HS3ST3A1: variants seen among roughly 807,000 people sequenced by gnomAD.
The protein encoded by HS3ST3A1 is heparan sulfate-glucosamine 3-sulfotransferase 3A1.
A neutral mutation model predicts 25.7 loss-of-function variants in HS3ST3A1; 19 were observed. The observed-to-expected ratio is 0.74, with a 90% confidence interval of 0.52 to 1.08. The LOEUF is 1.08. Ranked by LOEUF, HS3ST3A1 falls within the 50% of genes least tolerant of loss-of-function variation. HS3ST3A1 has a pLI of 0.00. For synonymous variants in HS3ST3A1, 226 were observed against 278.6 expected (o/e 0.81, Z 1.88); for missense variants, 459 against 594.3 (o/e 0.77, Z 2.37).
At chr17:13,513,213 G>C (rs757550027) in intron 1 of HS3ST3A1, among the ~76,000 whole-genome samples, 76 of 152,172 alleles carry the variant, frequency 5.0e-4, no homozygotes, top group Non-Finnish European at 9.6e-4. Flanking sequence ...AAACTTTCCA[G>C]ATGAGGCACT....
chr17:13,568,016 T>C (rs190279234), intron 1 of HS3ST3A1, among the ~76,000 whole-genome samples: 1 of 152,198 alleles, frequency 6.6e-6, no homozygotes, highest in African/African-American at 2.4e-5. Context: ...AGAGAAATCT[T>C]TCATGAAAGG....
chr17:13,510,298 TC>T (rs1905817270), intron 1 of HS3ST3A1, among the ~76,000 whole-genome samples: 2 of 152,216 alleles, frequency 1.3e-5, no homozygotes, highest in Non-Finnish European at 2.9e-5. Context: ...CAGAGAGCTC[TC>T]ATCAGCCAGG....
At chr17:13,540,322 G>T (rs1248101241) in intron 1 of HS3ST3A1, among the ~76,000 whole-genome samples, 1 of 152,088 alleles carries the variant, frequency 6.6e-6, no homozygotes, top group African/African-American at 2.4e-5. Flanking sequence ...AAACATTAAA[G>T]GTGCATTAAA....
chr17:13,534,978 A>T (rs1322063077), intron 1 of HS3ST3A1, among the ~76,000 whole-genome samples: 1 of 152,168 alleles, frequency 6.6e-6, no homozygotes, highest in Non-Finnish European at 1.5e-5. Flanking sequence ...GTGAGCCGAG[A>T]TTGTGCCATT....
chr17:13,527,435 A>G (rs1167141339), intron 1 of HS3ST3A1, among the ~76,000 whole-genome samples: 1 of 151,910 alleles, frequency 6.6e-6, no homozygotes, highest in Non-Finnish European at 1.5e-5. Flanking sequence ...TTGGGGAGGG[A>G]GTTAAGTAAT....
intron 1 of HS3ST3A1, among the ~76,000 whole-genome samples, chr17:13,508,075 C>G (rs962847790): frequency 3.9e-5 from 6 of 152,200 alleles, no homozygotes; most frequent in Non-Finnish European, 7.3e-5. Flanking sequence ...CCCACACCAA[C>G]CGAATCTGGA....
chr17:13,574,462 T>C (rs1343882414), intron 1 of HS3ST3A1, among the ~76,000 whole-genome samples: 1 of 150,888 alleles, frequency 6.6e-6, no homozygotes, highest in Non-Finnish European at 1.5e-5. Context: ...CTCACACCTG[T>C]AATCCCAGCA....
At chr17:13,523,424 A>AG (rs935139419) in intron 1 of HS3ST3A1, among the ~76,000 whole-genome samples, 1 of 152,232 alleles carries the variant, frequency 6.6e-6, no homozygotes, top group African/African-American at 2.4e-5. Flanking sequence ...GACAGAGGGC[A>AG]GTGTCATATG....
intron 1 of HS3ST3A1, among the ~76,000 whole-genome samples, chr17:13,512,425 A>G (rs1195620297): frequency 6.6e-6 from 1 of 152,092 alleles, no homozygotes; most frequent in Non-Finnish European, 1.5e-5. Flanking sequence ...TGTGGGGAAT[A>G]GGAGTGAGTG....
At chr17:13,501,688 G>A (rs1017621652) in intron 1 of HS3ST3A1, among the ~76,000 whole-genome samples, 1 of 152,078 alleles carries the variant, frequency 6.6e-6, no homozygotes, top group Non-Finnish European at 1.5e-5. Flanking sequence ...CAAAATTCCT[G>A]GACTGTAATG....
At chr17:13,574,413 G>A (rs1007358322) in intron 1 of HS3ST3A1, among the ~76,000 whole-genome samples, 8 of 150,820 alleles carry the variant, frequency 5.3e-5, no homozygotes, top group Admixed American at 2.6e-4. Context: ...CACTGCGCCC[G>A]GCCCTATCAC....
chr17:13,526,944 C>T (rs748559242), intron 1 of HS3ST3A1, among the ~76,000 whole-genome samples: 4 of 152,144 alleles, frequency 2.6e-5, no homozygotes, highest in Non-Finnish European at 5.9e-5. Flanking sequence ...TGAGCCACCG[C>T]ACCCGGCCCA....
At chr17:13,530,801 A>AT (rs980461887) in intron 1 of HS3ST3A1, among the ~76,000 whole-genome samples, 2 of 152,014 alleles carry the variant, frequency 1.3e-5, no homozygotes, top group Non-Finnish European at 2.9e-5. Flanking sequence ...GTGGCTTTTC[A>AT]TTTTTTCAGT....
At chr17:13,525,085 A>G (rs1196477934) in intron 1 of HS3ST3A1, among the ~76,000 whole-genome samples, 1 of 151,906 alleles carries the variant, frequency 6.6e-6, no homozygotes, top group South Asian at 2.1e-4. Flanking sequence ...TGTATGTATG[A>G]GTGTGTCTGC....
chr17:13,597,940 C>T (rs904065535), intron 1 of HS3ST3A1, among the ~76,000 whole-genome samples: 2 of 152,176 alleles, frequency 1.3e-5, no homozygotes, highest in Non-Finnish European at 2.9e-5. Flanking sequence ...GGCACTGCCA[C>T]CACAAACTAT....
intron 1 of HS3ST3A1, among the ~76,000 whole-genome samples, chr17:13,502,228 G>A (rs1360554865): frequency 6.6e-6 from 1 of 152,104 alleles, no homozygotes; most frequent in African/African-American, 2.4e-5. Flanking sequence ...GTTGTCCTCT[G>A]TTTTCTACCC....
At chr17:13,500,350 A>G (rs915404878) in intron 1 of HS3ST3A1, among the ~76,000 whole-genome samples, 1 of 152,230 alleles carries the variant, frequency 6.6e-6, no homozygotes, top group Non-Finnish European at 1.5e-5. Context: ...GGCAAAACCT[A>G]CAATTACTTT....
chr17:13,517,336 G>A (rs1156884426), intron 1 of HS3ST3A1, among the ~76,000 whole-genome samples: 1 of 152,138 alleles, frequency 6.6e-6, no homozygotes, highest in Admixed American at 6.5e-5. Context: ...TTGGCTACAT[G>A]AATAAAAAGG....
At chr17:13,567,174 C>G (rs564794867) in intron 1 of HS3ST3A1, among the ~76,000 whole-genome samples, 4 of 152,286 alleles carry the variant, frequency 2.6e-5, no homozygotes, top group African/African-American at 9.6e-5. Flanking sequence ...TTATGCTAAG[C>G]CTATTCTGCC....
Sources: allele counts gnomAD v4.1 joint callset (sites outside exome capture counted in the v4.1 genomes callset), GRCh38; gene constraint gnomAD v4.1.1; transcripts MANE v1.5; gene names NCBI Gene and HGNC (gene_info 2026-07-23, HGNC 2026-07-21).